EYS: variants seen among roughly 807,000 people sequenced by gnomAD.
The protein encoded by EYS is protein eyes shut homolog.
In EYS, 250 loss-of-function variants were observed where a neutral mutation model predicts 282.1. The ratio of observed to expected loss-of-function variants is 0.89; its 90% CI spans 0.80 to 0.98. The LOEUF (loss-of-function observed/expected upper bound fraction) is 0.98, where lower values mean the gene tolerates loss of function less well. EYS is among the 50% of genes least tolerant of loss of function. The pLI is 0.00. For synonymous variants in EYS, 1,355 were observed against 1,282.9 expected (o/e 1.06, Z -1.20); for missense variants, 4,016 against 3,709.0 (o/e 1.08, Z -2.15).
chr6:63,866,157 A>G (rs1772666437), intron 35 of EYS, among the ~76,000 whole-genome samples: 1 of 152,198 alleles, frequency 6.6e-6, no homozygotes, highest in South Asian at 2.1e-4. Flanking sequence ...TGCTTAGCTA[A>G]TGCTGTTCCT....
chr6:65,686,490 G>A (rs1170925562), intron 1 of EYS, among the ~76,000 whole-genome samples: 1 of 152,078 alleles, frequency 6.6e-6, no homozygotes, highest in Non-Finnish European at 1.5e-5. Flanking sequence ...GGTTATGCAC[G>A]TGTATGCTTC....
chr6:64,124,565 C>A (rs1773698478), intron 31 of EYS, among the ~76,000 whole-genome samples: 1 of 152,142 alleles, frequency 6.6e-6, no homozygotes, highest in African/African-American at 2.4e-5. Context: ...CAGTGGAAGA[C>A]AAATGTTTAT....
chr6:64,609,043 TACA>T, intron 24 of EYS, among the ~76,000 whole-genome samples: 1 of 152,304 alleles, frequency 6.6e-6, no homozygotes, highest in South Asian at 2.1e-4. Flanking sequence ...TAATGTGAAC[TACA>T]GACTTTGGGT....
intron 22 of EYS, among the ~76,000 whole-genome samples, chr6:64,684,598 T>G (rs978998964): frequency 4.1e-4 from 62 of 151,768 alleles, no homozygotes; most frequent in Admixed American, 1.4e-3. Context: ...AAAAAATATA[T>G]AGAGAGAGAG....
At position 63,979,675 on chromosome 6, in the gene EYS, C is replaced by T. The variant is rs184900637; in HGVS notation, c.7055+4708G>A. On this transcript the variant is annotated intron_variant, in intron 35 of 42. Coordinates refer to ENST00000503581, the MANE Select transcript of EYS (RefSeq NM_001142800.2). Reference sequence around the variant, plus strand: ...AATATTATCTGTTTAATTTACTAACCTTTCTATGCCCTTTTGGAAACAGCT... The same window carrying T: ...AATATTATCTGTTTAATTTACTAACTTTTCTATGCCCTTTTGGAAACAGCT... Among the ~76,000 whole-genome samples the T allele has an allele frequency of 3.5e-4, 53 of 151,896 alleles. 1 individual carries two copies. The highest frequency in any genetic ancestry group is 1.2e-3 in the African/African-American group (51 of 41,486).
intron 31 of EYS, among the ~76,000 whole-genome samples, chr6:64,196,051 AAAAC>A (rs1240450916): frequency 1.3e-5 from 2 of 152,202 alleles, no homozygotes; most frequent in Admixed American, 6.5e-5. Context: ...TTACAAGAAA[AAAAC>A]AAAGAACCCC....
At chr6:65,022,022 T>G (rs1177839062) in intron 13 of EYS, among the ~76,000 whole-genome samples, 1 of 152,192 alleles carries the variant, frequency 6.6e-6, no homozygotes, top group Non-Finnish European at 1.5e-5. Context: ...GTGGGAATTA[T>G]GAGGACTACA....
chr6:64,833,836 CA>C (rs1278826312), intron 19 of EYS, among the ~76,000 whole-genome samples: 2 of 151,826 alleles, frequency 1.3e-5, no homozygotes, highest in African/African-American at 4.8e-5. Context: ...TAGAAGATGA[CA>C]AATGGAATCA....
chr6:64,853,292 T>C (rs1012318675), intron 19 of EYS, among the ~76,000 whole-genome samples: 4 of 152,148 alleles, frequency 2.6e-5, no homozygotes, highest in Non-Finnish European at 4.4e-5. Context: ...CAGTACACTG[T>C]GTAACTGTCA....
rs557975249 is a variant in EYS, at chr6:65,208,763, G to A, written c.2023+87100C>T. 1.3e-4 allele frequency among the ~76,000 whole-genome samples: 17 copies of A among 128,218 alleles called. 1 individual carries two copies. The highest frequency in any genetic ancestry group is 4.8e-4 in the African/African-American group (15 of 31,560). 84.1% of individuals were successfully genotyped at this position (128,218 alleles called of 152,430 possible). On this transcript the variant is annotated intron_variant, in intron 12 of 42. Transcript: ENST00000503581. ...AGCTAAACAATGGGAACATAAAGAT[G>A]GAAATAATAGACACCAGTGATGCCC...
intron 5 of EYS, among the ~76,000 whole-genome samples, chr6:65,449,241 C>A (rs1280092825): frequency 6.6e-6 from 1 of 152,030 alleles, no homozygotes; most frequent in Admixed American, 6.6e-5. Flanking sequence ...TGGCTCTCTT[C>A]CTGTAAGAAA....
At chr6:64,079,151 A>G (rs1377231765) in intron 32 of EYS, among the ~76,000 whole-genome samples, 1 of 151,934 alleles carries the variant, frequency 6.6e-6, no homozygotes, top group Non-Finnish European at 1.5e-5. Flanking sequence ...TCCAAATTTC[A>G]TGGTCATCTA....
intron 36 of EYS, among the ~76,000 whole-genome samples, chr6:63,816,862 T>C (rs948503696): frequency 6.6e-6 from 1 of 152,230 alleles, no homozygotes; most frequent in Non-Finnish European, 1.5e-5. Flanking sequence ...GCATCCTTCT[T>C]ATACTTGCAT....
intron 2 of EYS, among the ~76,000 whole-genome samples, chr6:65,631,400 G>A (rs1472182214): frequency 1.3e-5 from 2 of 151,564 alleles, no homozygotes; most frequent in East Asian, 3.9e-4. Flanking sequence ...ACTGTGAAAA[G>A]TAATATTAGC....
chr6:65,329,766 T>A, intron 11 of EYS: 9 of 980,340 alleles, frequency 9.2e-6, no homozygotes, highest in Non-Finnish European at 1.1e-5. Context: ...TCAGAAATAA[T>A]TTAAGAAAAT....
intron 28 of EYS, among the ~76,000 whole-genome samples, chr6:64,399,375 A>T (rs546778330): frequency 2.0e-5 from 3 of 151,818 alleles, no homozygotes; most frequent in Admixed American, 6.6e-5. Context: ...ATCTGGATTT[A>T]TTTTCTGGTT....
chr6:65,115,599 C>T (rs1303986083), intron 12 of EYS, among the ~76,000 whole-genome samples: 1 of 151,960 alleles, frequency 6.6e-6, no homozygotes, highest in Non-Finnish European at 1.5e-5. Flanking sequence ...ATAGCTAAGC[C>T]ATGCCTTAAG....
intron 12 of EYS, among the ~76,000 whole-genome samples, chr6:65,127,776 T>C (rs950618700): frequency 6.6e-6 from 1 of 152,056 alleles, no homozygotes; most frequent in African/African-American, 2.4e-5. Context: ...GCATATCATC[T>C]CCCAAATGAA....
intron 26 of EYS, among the ~76,000 whole-genome samples, chr6:64,566,924 C>T (rs1458603473): frequency 2.0e-5 from 3 of 152,110 alleles, no homozygotes; most frequent in Non-Finnish European, 4.4e-5. Context: ...CAGGTGTCCA[C>T]CACCATGCCC....
Sources: allele counts gnomAD v4.1 joint callset (sites outside exome capture counted in the v4.1 genomes callset), GRCh38; gene constraint gnomAD v4.1.1; transcripts MANE v1.5; gene names NCBI Gene and HGNC (gene_info 2026-07-23, HGNC 2026-07-21).